The following SLC8A2 variants were observed in gnomAD, a reference collection of about 807,000 sequenced individuals.
The protein encoded by SLC8A2 is solute carrier family 8 member A2.
Under a neutral mutation model 70.2 loss-of-function variants are expected in SLC8A2, and 14 were observed. The ratio of observed to expected loss-of-function variants is 0.20; its 90% CI spans 0.13 to 0.31. The LOEUF is 0.31. Among genes scored for constraint, SLC8A2 ranks in the 10% least tolerant of loss-of-function variants. SLC8A2 has a pLI of 1.00. For missense variants in SLC8A2, 779 were observed against 1,320.1 expected, an observed-to-expected ratio of 0.59 and a Z score of 6.35; for synonymous variants, 575 against 594.3, an observed-to-expected ratio of 0.97 and a Z score of 0.47.
Position 47,441,083 on chromosome 19 carries a change from A to G in SLC8A2, c.1885+86T>C, listed in dbSNP as rs1345742926. ...CCAATCTGCCTCAAACCCAACCTGG[A>G]AGAGTAGCTTTGGGGCTGGGACCCT... On this transcript the variant is annotated intron_variant, in intron 6 of 9. Coordinates refer to ENST00000236877, the MANE Select transcript of SLC8A2 (RefSeq NM_015063.3). 4 of 1,327,168 alleles carry G rather than the reference A, an allele frequency of 3.0e-6. No homozygotes were observed. In the Admixed American group the frequency reaches 6.9e-5, roughly 23 times the overall value. The allele number at this position is 1,327,168 out of a possible 1,614,324, so 82.2% of individuals were successfully genotyped here.
At chr19:47,449,056 G>A (rs1967204840) in intron 3 of SLC8A2, among the ~76,000 whole-genome samples, 1 of 152,200 alleles carries the variant, frequency 6.6e-6, no homozygotes, top group Non-Finnish European at 1.5e-5. Flanking sequence ...TGACCGTTGT[G>A]TGCCAGGCAT....
rs779771167 is a variant in SLC8A2, at chr19:47,429,928, A to C, written c.*161T>G. The C allele has an allele frequency of 1.9e-6, 1 of 539,598 alleles. No individual in the cohort carries two copies. The highest frequency in any genetic ancestry group is 2.8e-6 in the Non-Finnish European group (1 of 353,604). 33.4% of individuals were successfully genotyped at this position (539,598 alleles called of 1,614,324 possible). ...GGGAAGGCTGAGCTACTGGGGACAC[A>C]GAACAGGGCAATCAAAGCCAGGGGA... is the stretch of plus-strand genomic sequence containing the variant. On this transcript the variant is annotated 3_prime_UTR_variant, in exon 10 of 10. Transcript: ENST00000236877.
intron 2 of SLC8A2, among the ~76,000 whole-genome samples, chr19:47,458,034 A>G (rs1967336931): frequency 6.6e-6 from 1 of 151,746 alleles, no homozygotes. Context: ...TATTTTTTTT[A>G]GTAGAGACGG....
rs1000378549 is a variant in SLC8A2 at position 47,430,733 on chromosome 19, T to G, written c.2390-268A>C. On this transcript the variant is annotated intron_variant, in intron 9 of 9. Coordinates refer to ENST00000236877, the MANE Select transcript of SLC8A2 (RefSeq NM_015063.3). This position sits in a 1 kb window ranked among gnomAD's most constrained non-coding sequence, Gnocchi z 5.9. ...TATGGGACTCACTGCGTGATTTCTT[T>G]TTTTTTCCTCCGAGACGGAGTTTTG... 6.6e-6 allele frequency among the ~76,000 whole-genome samples: 1 copy of G among 152,218 alleles called. No individual in the cohort carries two copies. The highest frequency in any genetic ancestry group is 2.4e-5 in the African/African-American group (1 of 41,458).
At chr19:47,452,425 AGAGAGAGAGAGAGAGAGAGAGTGT>A (rs1373863164) in intron 3 of SLC8A2, among the ~76,000 whole-genome samples, 349 of 118,844 alleles carry the variant, frequency 2.9e-3, no homozygotes, top group African/African-American at 9.6e-3. Flanking sequence ...AGAGAGAGAG[AGAGAGAGAGAGAGAGAGAGAGTGT>A]GTGTGTGTGT....
chr19:47,435,709 C>T (rs182909254), intron 8 of SLC8A2, among the ~76,000 whole-genome samples: 173 of 152,094 alleles, frequency 1.1e-3, no homozygotes, highest in Middle Eastern at 0.01. Context: ...CCACCATGCC[C>T]GGCTAATTTT....
chr19:47,470,345 TCATAC>T (rs1967518089), intron 1 of SLC8A2, among the ~76,000 whole-genome samples: 1 of 109,244 alleles, frequency 9.2e-6, no homozygotes, highest in African/African-American at 3.0e-5. Flanking sequence ...CAGGGAGACA[TCATAC>T]ACACACACAC....
At chr19:47,458,701 C>G (rs1046538017) in intron 2 of SLC8A2, among the ~76,000 whole-genome samples, 5 of 149,618 alleles carry the variant, frequency 3.3e-5, no homozygotes, top group Non-Finnish European at 7.4e-5. Flanking sequence ...CTGGACGTGT[C>G]TCCATGTCCT....
Position 47,429,786 on chromosome 19 carries a change from T to C in SLC8A2, c.*303A>G. 2.1e-6 allele frequency: 1 copy of C among 472,440 alleles called. No individual in the cohort carries two copies. The highest frequency in any genetic ancestry group is 3.8e-6 in the Non-Finnish European group (1 of 265,768). 29.3% of individuals were successfully genotyped at this position (472,440 alleles called of 1,614,324 possible). ...CCCCAGGATGGTTACTGGGGGTGGTTCCCTGGGGAGGGGACTGGGGTGGAA... is the reference window on the plus strand; with the variant it reads ...CCCCAGGATGGTTACTGGGGGTGGTCCCCTGGGGAGGGGACTGGGGTGGAA... On this transcript the variant is annotated 3_prime_UTR_variant, in exon 10 of 10. Transcript: ENST00000236877.
chr19:47,440,607 T>C (rs1967088678), intron 6 of SLC8A2, among the ~76,000 whole-genome samples: 1 of 151,892 alleles, frequency 6.6e-6, no homozygotes, highest in Non-Finnish European at 1.5e-5. Flanking sequence ...TTTTTTTTAT[T>C]TGAGGCAGAG....
intron 3 of SLC8A2, among the ~76,000 whole-genome samples, chr19:47,453,425 G>A (rs886248201): frequency 4.6e-5 from 7 of 152,188 alleles, no homozygotes; most frequent in African/African-American, 1.4e-4. Context: ...AGGGTCCAGG[G>A]CTAAGCTCGG....
intron 8 of SLC8A2, among the ~76,000 whole-genome samples, chr19:47,435,625 C>T (rs891621602): frequency 2.0e-5 from 3 of 151,190 alleles, no homozygotes; most frequent in Admixed American, 6.6e-5. Flanking sequence ...CTCGGCTCAC[C>T]GCAACCTCTG....
At chr19:47,438,095 G>T in intron 6 of SLC8A2, 122 bp from the exon 7 acceptor site, 1 of 1,238,130 alleles carries the variant, frequency 8.1e-7, no homozygotes, top group Non-Finnish European at 1.1e-6. Flanking sequence ...GAAGCTCCTT[G>T]GTGACTCCTC....
intron 1 of SLC8A2, among the ~76,000 whole-genome samples, chr19:47,467,164 C>T (rs1158474082): frequency 6.6e-6 from 1 of 152,192 alleles, no homozygotes; most frequent in East Asian, 1.9e-4. Flanking sequence ...GGAGGATTTG[C>T]ACAGTGGAAT....
At chr19:47,463,876 A>T (rs2122651824) in intron 2 of SLC8A2, among the ~76,000 whole-genome samples, 1 of 152,218 alleles carries the variant, frequency 6.6e-6, no homozygotes, top group Admixed American at 6.5e-5. Flanking sequence ...CTATGAAGTC[A>T]GCACTCTCAT....
intron 3 of SLC8A2, among the ~76,000 whole-genome samples, chr19:47,452,401 A>AGG (rs1967247379): frequency 2.6e-5 from 1 of 38,980 alleles, no homozygotes; most frequent in African/African-American, 1.1e-4. Context: ...ATATATGGAG[A>AGG]GAGAGAGAGA....
chr19:47,439,633 C>CCTTCCTTCCTTCCTTCCTTA (rs1967075372), intron 6 of SLC8A2, among the ~76,000 whole-genome samples: 1 of 151,378 alleles, frequency 6.6e-6, no homozygotes, highest in African/African-American at 2.4e-5. Flanking sequence ...TTCCTTCCTT[C>CCTTCCTTCCTTCCTTCCTTA]CTTCCTTCCT....
chr19:47,439,979 T>C (rs1967080959), intron 6 of SLC8A2, among the ~76,000 whole-genome samples: 1 of 152,194 alleles, frequency 6.6e-6, no homozygotes, highest in African/African-American at 2.4e-5. Context: ...ATAACTTTTA[T>C]TGTGTTAAGC....
rs768104675 is a variant in SLC8A2, at chr19:47,437,837, C to T, written c.2010+12G>A. On this transcript the variant is annotated intron_variant, in intron 7 of 9. Coordinates refer to ENST00000236877, the MANE Select transcript of SLC8A2 (RefSeq NM_015063.3). Reference sequence around the variant, plus strand: ...GGCTGGACTCCAGGAAGGTGAGGCCCCGGAAAATCACCTTAAAATCATATG... The same window carrying T: ...GGCTGGACTCCAGGAAGGTGAGGCCTCGGAAAATCACCTTAAAATCATATG... 6.2e-7 allele frequency: 1 copy of T among 1,614,078 alleles called. No homozygotes were observed. The highest frequency in any genetic ancestry group is 1.1e-5 in the South Asian group (1 of 91,082).
Sources: allele counts gnomAD v4.1 joint callset (sites outside exome capture counted in the v4.1 genomes callset), GRCh38; gene constraint gnomAD v4.1.1; non-coding constraint Gnocchi (gnomAD v3.1); transcripts MANE v1.5; gene names NCBI Gene and HGNC (gene_info 2026-07-23, HGNC 2026-07-21).